SOX5: variants seen among roughly 807,000 people sequenced by gnomAD.
SOX5 encodes transcription factor SOX-5.
SOX5 carries 9 observed loss-of-function variants against 92.0 expected under a neutral mutation model. That is an observed-to-expected ratio of 0.10 (90% confidence interval 0.06 to 0.17). SOX5 has a LOEUF of 0.17. SOX5 is among the 10% of genes least tolerant of loss of function. The probability of loss-of-function intolerance (pLI) is 1.00; values close to 1 mark genes in which losing one functional copy is unlikely to be tolerated. For synonymous variants in SOX5, 344 were observed against 336.3 expected (o/e 1.02, Z -0.25); for missense variants, 642 against 944.5 (o/e 0.68, Z 4.20).
intron 1 of SOX5, among the ~76,000 whole-genome samples, chr12:24,479,704 C>T (rs1402782894): frequency 1.3e-5 from 2 of 151,628 alleles, no homozygotes; most frequent in South Asian, 2.1e-4. Flanking sequence ...CTCACTCTGT[C>T]GTCCAGGCTG....
At chr12:23,951,024 ACTCC>A, upstream of SOX5, 1 of 651,614 alleles carries the variant, frequency 1.5e-6, no homozygotes, top group Admixed American at 2.2e-5. Flanking sequence ...CACGCTCTCC[ACTCC>A]TACTGGGAGG....
At chr12:24,148,012 T>C (rs1951250312) in intron 4 of SOX5, among the ~76,000 whole-genome samples, 1 of 152,102 alleles carries the variant, frequency 6.6e-6, no homozygotes, top group Non-Finnish European at 1.5e-5. Flanking sequence ...TCCAACATGA[T>C]CCCAATAAAA....
chr12:24,323,284 G>T (rs982048252), intron 2 of SOX5, among the ~76,000 whole-genome samples: 16 of 150,038 alleles, frequency 1.1e-4, no homozygotes, highest in African/African-American at 3.4e-4. Context: ...AACAGGTAAG[G>T]GTATGTAGCT....
At chr12:24,352,890 C>T (rs918081470) in intron 2 of SOX5, among the ~76,000 whole-genome samples, 3 of 152,058 alleles carry the variant, frequency 2.0e-5, no homozygotes, top group Admixed American at 6.6e-5. Context: ...TAAGTGTGCA[C>T]GGGCCTCACT....
rs1954657821 is a variant in SOX5 at position 24,024,499 on chromosome 12, A to AG, written c.-1-128476_-1-128475insC. On this transcript the variant is annotated intron_variant, in intron 4 of 4. Coordinates refer to the SOX5 transcript ENST00000446891. ...CTGCTATGTGACAGCTATAAAAAGT[A>AG]AGTAGTATAGCTTAAAAATAACTAC... 2.6e-5 allele frequency among the ~76,000 whole-genome samples: 4 copies of AG among 152,212 alleles called. No individual in the cohort carries two copies. In the South Asian group the frequency reaches 8.3e-4, roughly 32 times the overall value.
At chr12:24,217,864 G>A (rs1331431152) in intron 3 of SOX5, among the ~76,000 whole-genome samples, 4 of 152,138 alleles carry the variant, frequency 2.6e-5, no homozygotes, top group Non-Finnish European at 5.9e-5. Flanking sequence ...TAGAGAAGAT[G>A]TACAAAGATG....
At chr12:23,732,234 T>A (rs907172949) in intron 6 of SOX5, among the ~76,000 whole-genome samples, 16 of 152,116 alleles carry the variant, frequency 1.1e-4, no homozygotes, top group Admixed American at 7.2e-4. Context: ...TAAAATGAAA[T>A]ATGGCAAAGA....
At chr12:23,837,043 T>C (rs950271910) in intron 3 of SOX5, among the ~76,000 whole-genome samples, 1 of 150,826 alleles carries the variant, frequency 6.6e-6, no homozygotes, top group African/African-American at 2.4e-5. Context: ...ATTTGTGCTG[T>C]ACATAGTGTC....
chr12:23,729,105 A>G (rs917241471), intron 6 of SOX5, among the ~76,000 whole-genome samples: 1 of 152,076 alleles, frequency 6.6e-6, no homozygotes, highest in Non-Finnish European at 1.5e-5. Context: ...GGAAATACAG[A>G]AAGCACACAT....
chr12:23,684,467 C>T (rs758407417), intron 6 of SOX5, among the ~76,000 whole-genome samples: 2 of 151,962 alleles, frequency 1.3e-5, no homozygotes, highest in Non-Finnish European at 2.9e-5. Context: ...TTGCTCACTT[C>T]TCTTTAGGAT....
rs562075591 is a variant in SOX5 at position 24,070,724 on chromosome 12, G to A, written c.-2+142619C>T. ...TTAGGGAAGAGAACAAACATTTTTA[G>A]ACATAATTTGTATTCAGTAAAATAA... On this transcript the variant is annotated intron_variant, in intron 4 of 4. Transcript: ENST00000446891. Among the ~76,000 whole-genome samples, 29 of 152,136 alleles carry A rather than the reference G, an allele frequency of 1.9e-4. No homozygotes were observed. The South Asian group carries it at 5.8e-3, about 30-fold the overall frequency.
intron 4 of SOX5, among the ~76,000 whole-genome samples, chr12:23,985,102 A>G (rs1368085727): frequency 1.3e-5 from 2 of 152,178 alleles, no homozygotes; most frequent in African/African-American, 4.8e-5. Flanking sequence ...CCCCTCTATA[A>G]GACAAACACA....
chr12:24,486,268 A>G (rs535377873), intron 1 of SOX5, among the ~76,000 whole-genome samples: 1 of 151,922 alleles, frequency 6.6e-6, no homozygotes, highest in East Asian at 1.9e-4. Flanking sequence ...TGTGAAACTC[A>G]AGGATCTCAA....
chr12:23,570,966 TATATATATATATATA>T (rs1948251449), intron 10 of SOX5, among the ~76,000 whole-genome samples: 1 of 92,356 alleles, frequency 1.1e-5, no homozygotes, highest in African/African-American at 3.9e-5. Context: ...TATATATATA[TATATATATATATATA>T]TATTTTCATA....
At chr12:23,768,503 A>G (rs2094814195) in intron 3 of SOX5, among the ~76,000 whole-genome samples, 1 of 152,206 alleles carries the variant, frequency 6.6e-6, no homozygotes, top group South Asian at 2.1e-4. Flanking sequence ...GCCTCAACTA[A>G]TTGGAAGAAT....
Position 23,623,008 on chromosome 12 carries a change from C to G in SOX5, c.1017+17804G>C, listed in dbSNP as rs184739441. On this transcript the variant is annotated intron_variant, in intron 8 of 14. Coordinates refer to ENST00000451604, the MANE Select transcript of SOX5 (RefSeq NM_006940.6). ...TTTGAGGAAATGCATACTTTGGATTCAAGGGTAGTAATGAGAAAAACAACA... is the reference window on the plus strand; with the variant it reads ...TTTGAGGAAATGCATACTTTGGATTGAAGGGTAGTAATGAGAAAAACAACA... Among the ~76,000 whole-genome samples, 310 of 152,174 alleles carry G rather than the reference C, an allele frequency of 2.0e-3. 1 individual carries two copies. The highest frequency in any genetic ancestry group is 7.0e-3 in the African/African-American group (290 of 41,550).
At chr12:23,985,168 A>G (rs1949944201) in intron 4 of SOX5, among the ~76,000 whole-genome samples, 1 of 152,150 alleles carries the variant, frequency 6.6e-6, no homozygotes. Context: ...CTAACATTAT[A>G]AAAATGGTTA....
chr12:23,793,787 A>C (rs2095516682), intron 3 of SOX5, among the ~76,000 whole-genome samples: 1 of 152,186 alleles, frequency 6.6e-6, no homozygotes, highest in Non-Finnish European at 1.5e-5. Flanking sequence ...GAAGTAAGAA[A>C]AGCACCAAGG....
chr12:23,673,933 TA>T (rs918010694), intron 6 of SOX5, among the ~76,000 whole-genome samples: 10 of 151,282 alleles, frequency 6.6e-5, no homozygotes, highest in African/African-American at 1.2e-4. Flanking sequence ...CATCTCAATT[TA>T]AAAAAAAACC....
Sources: gnomAD v4.1 joint callset for allele counts (sites outside exome capture counted in the v4.1 genomes callset) on GRCh38, gnomAD v4.1.1 for gene constraint, MANE v1.5 for transcripts, NCBI Gene and HGNC (gene_info 2026-07-23, HGNC 2026-07-21) for gene names.